Variants in DMD observed in about 807,000 individuals in gnomAD.
The protein encoded by DMD is mutant dystrophin.
Under a neutral mutation model 330.1 loss-of-function variants are expected in DMD, and 63 were observed. That is an observed-to-expected ratio of 0.19 (90% CI 0.16 to 0.24). DMD has a LOEUF of 0.24. Among genes scored for constraint, DMD ranks in the 10% least tolerant of loss-of-function variants. The pLI, the probability that DMD is intolerant of heterozygous loss-of-function variation, is 1.00. For missense variants in DMD, 3,344 were observed against 2,684.1 expected, an observed-to-expected ratio of 1.25 and a Z score of -5.43; for synonymous variants, 1,223 against 959.8, an observed-to-expected ratio of 1.27 and a Z score of -5.07.
intron 55 of DMD, among the ~76,000 whole-genome samples, chrX:31,618,518 TAGAA>T (rs1273349097): frequency 1.8e-5 from 2 of 112,117 alleles, no homozygotes; most frequent in African/African-American, 6.5e-5. Flanking sequence ...GTTTAGGAAG[TAGAA>T]ATATTTCCAC....
intron 2 of DMD, among the ~76,000 whole-genome samples, chrX:32,943,877 T>A (rs1429815966): frequency 6.2e-5 from 7 of 112,266 alleles, no homozygotes; most frequent in Non-Finnish European, 1.3e-4. Flanking sequence ...TTTTATTTTC[T>A]TTTTGTCCAA....
intron 34 of DMD, among the ~76,000 whole-genome samples, chrX:32,377,161 T>C (rs1053185738): frequency 3.6e-5 from 4 of 111,658 alleles, no homozygotes; most frequent in Non-Finnish European, 7.5e-5. Context: ...AACTAGTACA[T>C]TTAGACTCAG....
At chrX:32,229,558 T>C (rs1042915470) in intron 43 of DMD, among the ~76,000 whole-genome samples, 1 of 103,641 alleles carries the variant, frequency 9.6e-6, no homozygotes, top group Non-Finnish European at 2.0e-5. Context: ...TTAATAACAC[T>C]CTTTTTATTA....
At chrX:32,989,679 C>T (rs1023332479) in intron 2 of DMD, among the ~76,000 whole-genome samples, 2 of 111,516 alleles carry the variant, frequency 1.8e-5, no homozygotes, top group Non-Finnish European at 3.8e-5. Context: ...TAAATGAATA[C>T]GTTCATTTTC....
chrX:31,760,320 A>C (rs999491691), intron 51 of DMD, among the ~76,000 whole-genome samples: 5 of 112,392 alleles, frequency 4.4e-5, no homozygotes, highest in Non-Finnish European at 9.4e-5. Context: ...TTTAATGAAC[A>C]CAGCTTGATG....
intron 9 of DMD, among the ~76,000 whole-genome samples, chrX:32,651,035 T>C (rs1268759726): frequency 8.9e-6 from 1 of 112,207 alleles, no homozygotes; most frequent in Admixed American, 9.5e-5. Flanking sequence ...CCAGGTTGTT[T>C]GGATTCCAAA....
intron 7 of DMD, among the ~76,000 whole-genome samples, chrX:32,741,098 G>A (rs895986222): frequency 9.0e-6 from 1 of 111,413 alleles, no homozygotes; most frequent in Non-Finnish European, 1.9e-5. Context: ...GAAGGAGGCT[G>A]GTGATTTATG....
intron 7 of DMD, among the ~76,000 whole-genome samples, chrX:32,699,984 TC>T (rs1189096606): frequency 8.9e-6 from 1 of 111,844 alleles, no homozygotes; most frequent in Non-Finnish European, 1.9e-5. Context: ...TGACTTCATA[TC>T]CTTTGCCACA....
chrX:32,484,075 G>C (rs1166163041), intron 21 of DMD, among the ~76,000 whole-genome samples: 1 of 110,797 alleles, frequency 9.0e-6, no homozygotes, highest in Non-Finnish European at 1.9e-5. Flanking sequence ...TTGGGACAGA[G>C]ATTTTTTCAG....
At chrX:33,279,186 T>C (rs1373664170) in intron 1 of DMD, among the ~76,000 whole-genome samples, 3 of 111,837 alleles carry the variant, frequency 2.7e-5, no homozygotes, top group Non-Finnish European at 5.6e-5. Context: ...CGAATCTCAA[T>C]AAATTTCGAA....
chrX:32,797,925 C>A (rs2076290097), intron 7 of DMD, among the ~76,000 whole-genome samples: 1 of 111,468 alleles, frequency 9.0e-6, no homozygotes, highest in South Asian at 3.7e-4. Context: ...GAACCTAATC[C>A]ATAATGCACA....
intron 64 of DMD, among the ~76,000 whole-genome samples, chrX:31,211,557 C>A (rs183746532): frequency 2.0e-4 from 22 of 112,491 alleles, no homozygotes; most frequent in African/African-American, 7.1e-4. Flanking sequence ...TTTTTCGAAT[C>A]ACTTTTGTAT....
intron 52 of DMD, among the ~76,000 whole-genome samples, chrX:31,721,712 C>CCA (rs1386243902): frequency 0.075 from 4,676 of 61,972 alleles, 234 homozygotes; most frequent in East Asian, 0.19. Flanking sequence ...CTCTCTCTCT[C>CCA]TCTCTCTATA....
chrX:31,433,508 G>A (rs2064239384), intron 60 of DMD, among the ~76,000 whole-genome samples: 1 of 106,031 alleles, frequency 9.4e-6, no homozygotes, highest in Admixed American at 1.0e-4. Context: ...CCAGGCTGGA[G>A]TGCAGTGGCA....
chrX:32,935,634 T>A (rs1225245143), intron 2 of DMD, among the ~76,000 whole-genome samples: 1 of 111,953 alleles, frequency 8.9e-6, no homozygotes, highest in Non-Finnish European at 1.9e-5. Flanking sequence ...ATTTCCTAAA[T>A]TAATTCTTTA....
intron 15 of DMD, among the ~76,000 whole-genome samples, chrX:32,566,103 C>T (rs190172920): frequency 8.2e-4 from 92 of 111,923 alleles, no homozygotes; most frequent in Non-Finnish European, 1.4e-3. Context: ...GAAACTCAAA[C>T]GTAGAATAAA....
intron 7 of DMD, among the ~76,000 whole-genome samples, chrX:32,754,459 A>C (rs2071227053): frequency 9.1e-6 from 1 of 110,291 alleles, no homozygotes; most frequent in African/African-American, 3.3e-5. Flanking sequence ...TTCCTCTGCC[A>C]ACTCTGTCAT....
intron 56 of DMD, among the ~76,000 whole-genome samples, chrX:31,497,522 C>T (rs1346307690): frequency 9.0e-6 from 1 of 111,671 alleles, no homozygotes; most frequent in Non-Finnish European, 1.9e-5. Context: ...ACATTTTCTG[C>T]TTTGTTTCCT....
At chrX:32,414,131 C>T (rs1306754126) in intron 29 of DMD, among the ~76,000 whole-genome samples, 1 of 111,563 alleles carries the variant, frequency 9.0e-6, no homozygotes, top group Non-Finnish European at 1.9e-5. Flanking sequence ...ATTTCCCAAC[C>T]TACACTGTGG....
Sources: allele counts gnomAD v4.1 joint callset (sites outside exome capture counted in the v4.1 genomes callset), GRCh38; gene constraint gnomAD v4.1.1; transcripts MANE v1.5; gene names NCBI Gene and HGNC (gene_info 2026-07-23, HGNC 2026-07-21).